Variants in RP1 observed in about 807,000 individuals in gnomAD.
RP1 encodes the protein RP1 axonemal microtubule associated.
In RP1, 16 loss-of-function variants were observed where a neutral mutation model predicts 14.8. That is an observed-to-expected ratio of 1.08 (90% CI 0.73 to 1.65). The LOEUF is 1.65. RP1 is among the 40% of genes most tolerant of loss of function. The pLI, the probability that RP1 is intolerant of heterozygous loss-of-function variation, is 0.00. For synonymous variants in RP1, 876 were observed against 883.6 expected (o/e 0.99, Z 0.15); for missense variants, 2,631 against 2,535.0 (o/e 1.04, Z -0.81).
At chr8:54,688,787 G>A (rs1444764669) in intron 12 of RP1, among the ~76,000 whole-genome samples, 1 of 152,086 alleles carries the variant, frequency 6.6e-6, no homozygotes, top group Non-Finnish European at 1.5e-5. Context: ...GATTGTCTTG[G>A]CAATGCAGCT....
intron 22 of RP1, among the ~76,000 whole-genome samples, chr8:54,766,782 G>C (rs777989077): frequency 9.2e-5 from 14 of 152,150 alleles, no homozygotes; most frequent in Non-Finnish European, 7.4e-5. Flanking sequence ...CCCTGTCTTT[G>C]TGTTTCCTAG....
downstream of RP1, among the ~76,000 whole-genome samples, chr8:54,633,647 G>A (rs559124936): frequency 2.3e-4 from 35 of 150,268 alleles, no homozygotes; most frequent in African/African-American, 8.6e-4. Flanking sequence ...GTGTGAATAC[G>A]TTTGATACAC....
intron 23 of RP1, among the ~76,000 whole-genome samples, chr8:54,777,753 ATCTG>A (rs961410071): frequency 2.6e-5 from 4 of 152,318 alleles, no homozygotes; most frequent in African/African-American, 9.6e-5. Flanking sequence ...AATTAGAATA[ATCTG>A]TCTTGTTTAC....
intron 24 of RP1, among the ~76,000 whole-genome samples, chr8:54,832,772 T>A (rs2129401597): frequency 6.6e-6 from 1 of 152,062 alleles, no homozygotes; most frequent in African/African-American, 2.4e-5. Context: ...TCACCTCGAA[T>A]GTAGGGGTTT....
At chr8:54,648,580 A>T (rs1034761191) in intron 3 of RP1, among the ~76,000 whole-genome samples, 20 of 152,098 alleles carry the variant, frequency 1.3e-4, no homozygotes, top group Non-Finnish European at 2.9e-5. Flanking sequence ...AGACATCTAA[A>T]CTCAAAAAAT....
At chr8:54,859,516 A>G (rs1464133584) in intron 27 of RP1, among the ~76,000 whole-genome samples, 1 of 142,136 alleles carries the variant, frequency 7.0e-6, no homozygotes, top group East Asian at 2.2e-4. Context: ...TATAGGAGGA[A>G]TCACTGTAGG....
intron 19 of RP1, among the ~76,000 whole-genome samples, chr8:54,748,503 G>A (rs1809281861): frequency 6.6e-6 from 1 of 152,140 alleles, no homozygotes; most frequent in Non-Finnish European, 1.5e-5. Context: ...TACCATAGTT[G>A]GTCCCCCTTG....
chr8:54,869,850 G>A (rs939097875), exon 29 of RP1: 3 of 1,227,876 alleles, frequency 2.4e-6, no homozygotes, highest in African/African-American at 3.1e-5. Context: ...CAGATGGCTA[G>A]ATGAGTACCA....
intron 24 of RP1, among the ~76,000 whole-genome samples, chr8:54,800,769 A>G (rs962264835): frequency 1.3e-5 from 2 of 152,116 alleles, no homozygotes; most frequent in African/African-American, 2.4e-5. Context: ...CACATCTTCC[A>G]TTAGAGGTTT....
intron 16 of RP1, among the ~76,000 whole-genome samples, chr8:54,725,895 A>G (rs924885185): frequency 3.0e-4 from 45 of 152,204 alleles, no homozygotes; most frequent in Non-Finnish European, 3.4e-4. Flanking sequence ...AAGGTAGAAA[A>G]GTAGCTAATG....
chr8:54,659,693 T>C (rs1417593183), intron 6 of RP1, among the ~76,000 whole-genome samples: 2 of 152,246 alleles, frequency 1.3e-5, no homozygotes, highest in Non-Finnish European at 1.5e-5. Flanking sequence ...AAGATTGTTT[T>C]GACTATTCAG....
chr8:54,638,479 G>A (rs1439908124), intron 3 of RP1, among the ~76,000 whole-genome samples: 1 of 150,958 alleles, frequency 6.6e-6, no homozygotes, highest in African/African-American at 2.4e-5. Flanking sequence ...ATGTTTAATG[G>A]ATAAAAATTA....
At chr8:54,722,274 T>TTGTG (rs1554527263) in intron 16 of RP1, among the ~76,000 whole-genome samples, 2 of 143,772 alleles carry the variant, frequency 1.4e-5, no homozygotes, top group African/African-American at 5.1e-5. Flanking sequence ...GTTTTTTTTT[T>TTGTG]TGTGTGTGTG....
exon 14 of RP1, chr8:54,701,658 T>G: frequency 6.5e-7 from 1 of 1,534,836 alleles, no homozygotes. Context: ...GTGATTTTTG[T>G]CAAGGTAAAA....
intron 8 of RP1, chr8:54,678,359 C>A: frequency 3.2e-6 from 3 of 929,304 alleles, no homozygotes; most frequent in Non-Finnish European, 4.8e-6. Context: ...TTGTACAAGA[C>A]CTTTACATAT....
chr8:54,581,845 A>G (rs1804798752), intron 1 of RP1, among the ~76,000 whole-genome samples: 1 of 151,942 alleles, frequency 6.6e-6, no homozygotes, highest in Non-Finnish European at 1.5e-5. Context: ...CCACTTGTTG[A>G]TGGGGTTGTT....
At chr8:54,581,424 G>C (rs985115863) in intron 1 of RP1, among the ~76,000 whole-genome samples, 35 of 152,292 alleles carry the variant, frequency 2.3e-4, no homozygotes, top group African/African-American at 7.2e-4. Flanking sequence ...ATTTGGGTTG[G>C]TTCCAAGTCT....
At chr8:54,827,536 C>T (rs542195568) in intron 24 of RP1, among the ~76,000 whole-genome samples, 3 of 151,718 alleles carry the variant, frequency 2.0e-5, no homozygotes, top group Non-Finnish European at 4.4e-5. Context: ...AACCATGTTG[C>T]CTAGGCTGGT....
intron 23 of RP1, among the ~76,000 whole-genome samples, chr8:54,780,272 G>A (rs148194936): frequency 6.6e-6 from 1 of 152,336 alleles, no homozygotes; most frequent in Non-Finnish European, 1.5e-5. Flanking sequence ...GCCATAGTTT[G>A]CCACCCTCTG....
Sources: allele counts gnomAD v4.1 joint callset (sites outside exome capture counted in the v4.1 genomes callset), GRCh38; gene constraint gnomAD v4.1.1; transcripts MANE v1.5; gene names NCBI Gene and HGNC (gene_info 2026-07-23, HGNC 2026-07-21).